The following FAT3 variants were observed in gnomAD, a reference collection of about 807,000 sequenced individuals.
FAT3 encodes protocadherin Fat 3.
In FAT3, 95 loss-of-function variants were observed where a neutral mutation model predicts 310.2. The observed-to-expected ratio is 0.31, with a 90% CI of 0.26 to 0.36. The LOEUF (loss-of-function observed/expected upper bound fraction) is 0.36, where lower values mean the gene tolerates loss of function less well. FAT3 is among the 10% of genes least tolerant of loss of function. The pLI, the probability that FAT3 is intolerant of heterozygous loss-of-function variation, is 1.00. For missense variants in FAT3, 5,408 were observed against 5,715.6 expected (o/e 0.95, Z 1.74); for synonymous variants, 2,314 against 2,192.9 (o/e 1.06, Z -1.54).
chr11:92,284,030 G>A (rs1457926234), intron 1 of FAT3, among the ~76,000 whole-genome samples: 1 of 151,944 alleles, frequency 6.6e-6, no homozygotes, highest in East Asian at 1.9e-4. Flanking sequence ...TGAGGGCTTG[G>A]AGCAAATTAT....
chr11:92,612,528 A>G (rs577707809), intron 3 of FAT3, among the ~76,000 whole-genome samples: 1 of 152,354 alleles, frequency 6.6e-6, no homozygotes, highest in South Asian at 2.1e-4. Flanking sequence ...CAATTCAATC[A>G]GAAGACCATT....
chr11:92,880,621 C>A, intron 22 of FAT3, 110 bp from the exon 23 acceptor site: 1 of 1,263,172 alleles, frequency 7.9e-7, no homozygotes. Flanking sequence ...AATTTGGGCC[C>A]TTCCTATTAT....
At chr11:92,392,454 G>A (rs931789648) in intron 2 of FAT3, among the ~76,000 whole-genome samples, 12 of 152,156 alleles carry the variant, frequency 7.9e-5, no homozygotes, top group South Asian at 2.1e-4. Context: ...CTGCCTCAGC[G>A]CTGCTTTCTT....
At chr11:92,293,512 TTATATATATATATATATA>T (rs1195340265) in intron 1 of FAT3, among the ~76,000 whole-genome samples, 5 of 67,888 alleles carry the variant, frequency 7.4e-5, no homozygotes, top group South Asian at 5.5e-4. Flanking sequence ...GAACCTCAGA[TTATATATATATATATATA>T]TATATATATA....
At chr11:92,336,898 C>A (rs1948100398) in intron 1 of FAT3, among the ~76,000 whole-genome samples, 1 of 152,106 alleles carries the variant, frequency 6.6e-6, no homozygotes, top group South Asian at 2.1e-4. Context: ...TCCATTAAAA[C>A]CCTTTTAAAA....
chr11:92,495,421 T>G (rs1262648644), intron 2 of FAT3, among the ~76,000 whole-genome samples: 2 of 152,116 alleles, frequency 1.3e-5, no homozygotes. Flanking sequence ...GTTCAACAAA[T>G]GTTGACTGGC....
At chr11:92,663,328 A>G (rs915503765) in intron 3 of FAT3, among the ~76,000 whole-genome samples, 8 of 152,196 alleles carry the variant, frequency 5.3e-5, no homozygotes, top group Non-Finnish European at 1.0e-4. Flanking sequence ...ACTAGGTCAC[A>G]GTGTGCATTG....
rs184272829 is a variant in FAT3, at chr11:92,392,830, C to T, written c.3292+37426C>T. 5.6e-4 allele frequency among the ~76,000 whole-genome samples: 85 copies of T among 152,300 alleles called. 1 individual carries two copies. The highest frequency in any genetic ancestry group is 1.5e-3 in the African/African-American group (61 of 41,558). ...TATATAGAGATTGTTGCTCTTGAAG[C>T]CCCTCCTCTCCTAGCCCATAGCAGG... On this transcript the variant is annotated intron_variant, in intron 2 of 27. Transcript: ENST00000525166.
Position 92,606,535 on chromosome 11 carries a change from T to C in FAT3, c.3607+81587T>C, listed in dbSNP as rs1179010193. Among the ~76,000 whole-genome samples the C allele has an allele frequency of 2.0e-5, 3 of 152,178 alleles. No homozygotes were observed. The East Asian group carries it at 5.8e-4, about 29-fold the overall frequency. On this transcript the variant is annotated intron_variant, in intron 3 of 27. Transcript: ENST00000525166. ...TCTTTCCAGCTCACCGATTAGCAAA[T>C]GTCTTCACTTGCTGAAGATGGTAAT...
At chr11:92,611,438 T>C (rs1172011566) in intron 3 of FAT3, among the ~76,000 whole-genome samples, 2 of 151,990 alleles carry the variant, frequency 1.3e-5, no homozygotes, top group Non-Finnish European at 2.9e-5. Context: ...AACAGGGTTT[T>C]GCTTTGTCTC....
intron 1 of FAT3, among the ~76,000 whole-genome samples, chr11:92,290,060 C>A (rs2134390942): frequency 6.6e-6 from 1 of 152,092 alleles, no homozygotes; most frequent in Non-Finnish European, 1.5e-5. Flanking sequence ...ATGGCCTTTG[C>A]TTTGGCCGTA....
intron 2 of FAT3, among the ~76,000 whole-genome samples, chr11:92,500,126 G>T (rs1952892165): frequency 6.6e-6 from 1 of 152,016 alleles, no homozygotes; most frequent in Non-Finnish European, 1.5e-5. Context: ...GATGCTTAAT[G>T]AATATTTGTT....
At chr11:92,787,491 T>A (rs1472239585) in intron 7 of FAT3, among the ~76,000 whole-genome samples, 2 of 151,898 alleles carry the variant, frequency 1.3e-5, no homozygotes, top group Admixed American at 6.6e-5. Flanking sequence ...GAAGAACTAT[T>A]CTAAGTGACT....
At chr11:92,872,194 A>C (rs1329052035) in intron 22 of FAT3, among the ~76,000 whole-genome samples, 3 of 152,260 alleles carry the variant, frequency 2.0e-5, no homozygotes, top group Non-Finnish European at 4.4e-5. Context: ...GTTTTGCTGA[A>C]TACTTTGTGT....
At chr11:92,718,094 AGC>A (rs1372974586) in intron 4 of FAT3, among the ~76,000 whole-genome samples, 1 of 152,076 alleles carries the variant, frequency 6.6e-6, no homozygotes. Context: ...TCAGAAGCTC[AGC>A]CCCAAGAGAC....
intron 3 of FAT3, among the ~76,000 whole-genome samples, chr11:92,597,479 C>A (rs1252613754): frequency 6.6e-6 from 1 of 152,170 alleles, no homozygotes; most frequent in Non-Finnish European, 1.5e-5. Context: ...TATTCAGGCC[C>A]CTTCATGGCT....
intron 3 of FAT3, among the ~76,000 whole-genome samples, chr11:92,562,095 A>G (rs1160967407): frequency 6.6e-6 from 1 of 152,138 alleles, no homozygotes; most frequent in African/African-American, 2.4e-5. Flanking sequence ...CCCCACAGGC[A>G]GTATTCACTA....
At chr11:92,666,011 A>T (rs12361042) in intron 3 of FAT3, among the ~76,000 whole-genome samples, 1 of 152,122 alleles carries the variant, frequency 6.6e-6, no homozygotes, top group Non-Finnish European at 1.5e-5. Flanking sequence ...TCTCTAAAAA[A>T]TTTTTTTAAA....
Position 92,890,991 on chromosome 11 carries a change from T to A in FAT3, c.13648T>A (p.Ser4550Thr), listed in dbSNP as rs772820031. ...CAGAGGCACCTCATCCTCGGATGTG[T>A]CTGCCAACTGCGGCTTTGACGATTC... ...NSRGTSSSDVSANCGFDDSEV... is the reference protein window; with the variant it reads ...NSRGTSSSDVTANCGFDDSEV... Residue 4550 changes from serine (S) to threonine (T), a missense_variant, in exon 28 of 28, where the codon TCT becomes ACT. By Grantham distance (58) the Ser-to-Thr change is moderately conservative. Transcript: ENST00000525166. The A allele has an allele frequency of 6.2e-7, 1 of 1,613,954 alleles. No homozygotes were observed. Among genetic ancestry groups the A allele is most frequent in the Admixed American group, 1.7e-5 (1 of 60,014 alleles).
Sources: gnomAD v4.1 joint callset for allele counts (sites outside exome capture counted in the v4.1 genomes callset) on GRCh38, gnomAD v4.1.1 for gene constraint, MANE v1.5 for transcripts, NCBI Gene and HGNC (gene_info 2026-07-23, HGNC 2026-07-21) for gene names.